The following ARHGAP39 variants were observed in gnomAD, a reference collection of about 807,000 sequenced individuals.
ARHGAP39 encodes the protein rho GTPase-activating protein 39.
Under a neutral mutation model 106.9 loss-of-function variants are expected in ARHGAP39, and 44 were observed. The ratio of observed to expected loss-of-function variants is 0.41; its 90% CI spans 0.32 to 0.53. The LOEUF (loss-of-function observed/expected upper bound fraction) is 0.53, where lower values mean the gene tolerates loss of function less well. Ranked by LOEUF, ARHGAP39 falls within the 20% of genes least tolerant of loss-of-function variation. ARHGAP39 has a pLI of 0.21. For missense variants in ARHGAP39, 1,496 were observed against 1,577.3 expected (o/e 0.95, Z 0.87); for synonymous variants, 768 against 693.2 (o/e 1.11, Z -1.69).
At chr8:144,567,426 G>A (rs565263554) in intron 3 of ARHGAP39, among the ~76,000 whole-genome samples, 6 of 152,334 alleles carry the variant, frequency 3.9e-5, no homozygotes, top group African/African-American at 9.6e-5. Flanking sequence ...CAAGCGGACC[G>A]TGGTCTAGCA....
chr8:144,568,809 C>A (rs1486717617), intron 3 of ARHGAP39, among the ~76,000 whole-genome samples: 1 of 151,392 alleles, frequency 6.6e-6, no homozygotes, highest in Non-Finnish European at 1.5e-5. Flanking sequence ...AGCAAAGAGC[C>A]ATAATTAAGA....
At chr8:144,546,289 C>T (rs934833231) in intron 5 of ARHGAP39, among the ~76,000 whole-genome samples, 36 of 152,184 alleles carry the variant, frequency 2.4e-4, no homozygotes, top group African/African-American at 8.7e-4. Flanking sequence ...TCCAGGAGGC[C>T]CCTCCCTGCC....
chr8:144,662,124 C>T lies in ARHGAP39; in HGVS notation c.-82+23562G>A, dbSNP rs940810162. 5.3e-5 allele frequency among the ~76,000 whole-genome samples: 8 copies of T among 150,914 alleles called. No homozygotes were observed. The East Asian group carries it at 1.2e-3, about 22-fold the overall frequency. On this transcript the variant is annotated intron_variant, in intron 1 of 11. Transcript: ENST00000377307. ...CCCTTCCCCATTATCCAACTTGGAC[C>T]GCTCACCTTCCCCATTTTCCACCCT...
At position 144,529,246 on chromosome 8, in the gene ARHGAP39, T is replaced by C; in HGVS notation, c.*1176A>G. The C allele has an allele frequency of 4.3e-6, 1 of 232,618 alleles. No homozygotes were observed. 14.4% of individuals were successfully genotyped at this position (232,618 alleles called of 1,614,324 possible). Reference sequence around the variant, plus strand: ...GGGTCCATGCGTCGGGGCGAGCGTCTCAGCCGGGCGGGACCGCAAAGGCCC... The same window carrying C: ...GGGTCCATGCGTCGGGGCGAGCGTCCCAGCCGGGCGGGACCGCAAAGGCCC... On this transcript the variant is annotated 3_prime_UTR_variant, in exon 12 of 12. Transcript: ENST00000377307.
At chr8:144,695,672 G>A in the ARHGAP39 span, among the ~76,000 whole-genome samples, 3 of 152,196 alleles carry the variant, frequency 2.0e-5, no homozygotes, top group East Asian at 5.8e-4. Flanking sequence ...AGAAAGGGGA[G>A]GGGGGTCTAG....
intron 5 of ARHGAP39, among the ~76,000 whole-genome samples, chr8:144,546,274 C>T (rs1484533707): frequency 6.6e-6 from 1 of 152,194 alleles, no homozygotes; most frequent in African/African-American, 2.4e-5. Flanking sequence ...CACCCCAGGC[C>T]GACCTCCAGG....
At chr8:144,579,845 C>T (rs918968170) in intron 3 of ARHGAP39, among the ~76,000 whole-genome samples, 20 of 152,144 alleles carry the variant, frequency 1.3e-4, no homozygotes, top group African/African-American at 4.8e-4. Context: ...GAGACCAATC[C>T]CCTGCCTTTC....
Position 144,555,638 on chromosome 8 carries a change from G to A in ARHGAP39, c.518C>T (p.Ser173Leu). ...CTTCTCAAGGAACACTCCTGGTGGT[G>A]AAGAGCTGAAACACAGTAAAATGAA... is the stretch of plus-strand genomic sequence containing the variant. ...GTVKEDSGSS[S>L]PPGVFLEKDY... Residue 173 changes from serine to leucine, a missense_variant, in exon 4 of 12, where the codon TCA becomes TTA. Ser to Leu is a moderately radical substitution (Grantham distance 145). Transcript: ENST00000377307. 6.2e-7 allele frequency: 1 copy of A among 1,613,324 alleles called. No individual in the cohort carries two copies. The highest frequency in any genetic ancestry group is 1.1e-5 in the South Asian group (1 of 91,082).
chr8:144,557,112 T>C (rs528429728), intron 3 of ARHGAP39, among the ~76,000 whole-genome samples: 25 of 147,442 alleles, frequency 1.7e-4, no homozygotes, highest in African/African-American at 3.4e-4. Context: ...CTTCATAGTA[T>C]TCAGAGGCAA....
At position 144,555,566 on chromosome 8, in the gene ARHGAP39, T is replaced by C. The variant is rs1817884291; in HGVS notation, c.590A>G (p.His197Arg). Reference sequence around the variant, plus strand: ...CCTGAGAGATGGGTTCTACCTGTAGTGAAGAAGCTGGCCGTCCGCACTGTA... The same window carrying C: ...CCTGAGAGATGGGTTCTACCTGTAGCGAAGAAGCTGGCCGTCCGCACTGTA... Reference protein sequence around the residue: ...RDYSADGQLLHYRTSSLRWNS... With the variant: ...RDYSADGQLLRYRTSSLRWNS... The change falls in exon 4 of 12, where the codon CAC (histidine) becomes CGC (arginine). Residue 197 changes from histidine to arginine, a missense_variant. This residue lies in a region of ARHGAP39 where 905 missense variants were observed against 816.4 expected (regional missense o/e 1.11). Coordinates refer to ENST00000377307, the MANE Select transcript of ARHGAP39 (RefSeq NM_025251.3). 1.2e-6 allele frequency: 2 copies of C among 1,613,778 alleles called. No homozygotes were observed. The highest frequency in any genetic ancestry group is 8.5e-7 in the Non-Finnish European group (1 of 1,179,918).
chr8:144,561,385 C>A (rs1211770366), intron 3 of ARHGAP39, among the ~76,000 whole-genome samples: 1 of 151,698 alleles, frequency 6.6e-6, no homozygotes, highest in African/African-American at 2.4e-5. Flanking sequence ...CCATCGGACT[C>A]ACCCCAGTGG....
chr8:144,632,099 C>T (rs1438339768), intron 1 of ARHGAP39, among the ~76,000 whole-genome samples: 1 of 152,234 alleles, frequency 6.6e-6, no homozygotes, highest in Admixed American at 6.5e-5. Flanking sequence ...TTCTGACCTC[C>T]AAAGTGCTGA....
chr8:144,651,116 C>T (rs1821563386), intron 1 of ARHGAP39, among the ~76,000 whole-genome samples: 1 of 152,054 alleles, frequency 6.6e-6, no homozygotes, highest in Admixed American at 6.5e-5. Context: ...CAACAACAGC[C>T]AAGTCGAGAG....
chr8:144,554,815 G>A (rs1002961418), intron 4 of ARHGAP39, among the ~76,000 whole-genome samples: 1 of 152,226 alleles, frequency 6.6e-6, no homozygotes, highest in African/African-American at 2.4e-5. Flanking sequence ...AAATACGAAT[G>A]TAAGAAACAA....
chr8:144,581,343 C>G, intron 2 of ARHGAP39, 66 bp from the exon 3 acceptor site: 7 of 1,447,782 alleles, frequency 4.8e-6, no homozygotes, highest in Non-Finnish European at 6.5e-6. Flanking sequence ...CCCACCCCTG[C>G]AGACCCCGGC....
intron 2 of ARHGAP39, among the ~76,000 whole-genome samples, chr8:144,588,812 G>A (rs1414681678): frequency 2.0e-5 from 3 of 152,262 alleles, no homozygotes; most frequent in South Asian, 2.1e-4. Flanking sequence ...TCACCGCGCC[G>A]TGACATGAGA....
chr8:144,581,443 C>T (rs965064307), intron 2 of ARHGAP39, among the ~76,000 whole-genome samples, 166 bp from the exon 3 acceptor site: 1 of 152,234 alleles, frequency 6.6e-6, no homozygotes, highest in African/African-American at 2.4e-5. Flanking sequence ...CTCCTGAGCA[C>T]CCGCAACCGG....
intron 2 of ARHGAP39, among the ~76,000 whole-genome samples, chr8:144,587,523 G>C (rs1563689379): frequency 6.6e-6 from 1 of 152,250 alleles, no homozygotes; most frequent in Non-Finnish European, 1.5e-5. Context: ...CTGAAGGATA[G>C]AGGGACGGAG....
chr8:144,658,238 T>C (rs1158589986), intron 1 of ARHGAP39, among the ~76,000 whole-genome samples: 1 of 152,064 alleles, frequency 6.6e-6, no homozygotes, highest in African/African-American at 2.4e-5. Context: ...GCCTCCCAAG[T>C]AGCTGGAATT....
Sources: gnomAD v4.1 joint callset for allele counts (sites outside exome capture counted in the v4.1 genomes callset) on GRCh38, gnomAD v4.1.1 for gene constraint, gnomAD v4.1.1 regional missense constraint, MANE v1.5 for transcripts, NCBI Gene and HGNC (gene_info 2026-07-23, HGNC 2026-07-21) for gene names.